The following WDR25 variants were observed in gnomAD, a reference collection of about 807,000 sequenced individuals.
The protein encoded by WDR25 is WD repeat-containing protein 25.
A neutral mutation model predicts 47.7 loss-of-function variants in WDR25; 35 were observed. The observed-to-expected ratio is 0.73, with a 90% CI of 0.56 to 0.97. The LOEUF is 0.97. WDR25 is among the 50% of genes least tolerant of loss of function. The probability of loss-of-function intolerance (pLI) is 0.00; values close to 1 mark genes in which losing one functional copy is unlikely to be tolerated. For synonymous variants in WDR25, 248 were observed against 278.9 expected (o/e 0.89, Z 1.10); for missense variants, 634 against 704.7 (o/e 0.90, Z 1.14).
intron 2 of WDR25, among the ~76,000 whole-genome samples, chr14:100,405,243 C>A (rs1053673113): frequency 4.0e-5 from 6 of 150,850 alleles, no homozygotes; most frequent in Admixed American, 2.6e-4. Flanking sequence ...CTCACCGCAG[C>A]CTCTGCCTCC....
chr14:100,456,895 C>T (rs1426769140), intron 2 of WDR25, among the ~76,000 whole-genome samples: 1 of 152,130 alleles, frequency 6.6e-6, no homozygotes, highest in Non-Finnish European at 1.5e-5. Flanking sequence ...TCAGTGAACC[C>T]CTGGCACAGG....
intron 4 of WDR25, among the ~76,000 whole-genome samples, chr14:100,516,450 A>C (rs905543218): frequency 6.6e-6 from 1 of 151,818 alleles, no homozygotes; most frequent in Non-Finnish European, 1.5e-5. Context: ...CTTATTATAA[A>C]GAAAGGAGTG....
At chr14:100,513,005 G>T (rs1003721698) in intron 4 of WDR25, among the ~76,000 whole-genome samples, 9 of 152,162 alleles carry the variant, frequency 5.9e-5, no homozygotes, top group African/African-American at 1.9e-4. Context: ...TTAAAATATG[G>T]TCTATCTTGG....
In WDR25 at chr14:100,468,043, G is replaced by C. The variant is rs1314098717; in HGVS notation, c.845G>C (p.Gly282Ala). The C allele has an allele frequency of 6.2e-7, 1 of 1,613,052 alleles. No individual in the cohort carries two copies. Among genetic ancestry groups the C allele is most frequent in the South Asian group, 1.1e-5 (1 of 91,038 alleles). ...TFKVWNAVDS[G>A]HCLQTYSLHT... ...CAGGTATGGAACGCCGTGGACTCCG[G>C]GCACTGCCTGCAGACCTACTCCCTG... Residue 282 changes from glycine to alanine, a missense_variant, in exon 3 of 7, where the codon GGG becomes GCG. Physicochemically the swap from Gly to Ala is moderately conservative, Grantham distance 60. Coordinates refer to ENST00000402312, the MANE Select transcript of WDR25 (RefSeq NM_001161476.3). The surrounding 1 kb of genome is among the most constrained non-coding windows in gnomAD (Gnocchi z 4.5).
Position 100,428,921 on chromosome 14 carries a change from C to T in WDR25, c.823-39100C>T, listed in dbSNP as rs6575778. 0.059 allele frequency among the ~76,000 whole-genome samples: 8,983 copies of T among 152,036 alleles called. 629 individuals carry two copies. Among genetic ancestry groups the T allele is most frequent in the African/African-American group, 0.17 (7,147 of 41,472 alleles). On this transcript the variant is annotated intron_variant, in intron 2 of 6. Transcript: ENST00000402312. This position sits in a 1 kb window ranked among gnomAD's most constrained non-coding sequence, Gnocchi z 4.3. Reference sequence around the variant, plus strand: ...CTTTGGCACCAGAGGCGTCATCCCCCGAGCCACTCTGAGTCATCTAATATG... The same window carrying T: ...CTTTGGCACCAGAGGCGTCATCCCCTGAGCCACTCTGAGTCATCTAATATG...
intron 3 of WDR25, among the ~76,000 whole-genome samples, chr14:100,473,083 T>C (rs1397608413): frequency 6.6e-6 from 1 of 152,226 alleles, no homozygotes; most frequent in Non-Finnish European, 1.5e-5. Flanking sequence ...TTGTTTTCAA[T>C]CTATGACTGG....
chr14:100,486,655 A>G (rs957659952), intron 4 of WDR25, among the ~76,000 whole-genome samples: 12 of 152,190 alleles, frequency 7.9e-5, no homozygotes, highest in African/African-American at 2.6e-4. Context: ...CTCACTTCTT[A>G]TCCCTGTGGG....
At chr14:100,467,486 G>GA (rs1342613013) in intron 2 of WDR25, among the ~76,000 whole-genome samples, 1 of 152,278 alleles carries the variant, frequency 6.6e-6, no homozygotes, top group South Asian at 2.1e-4. Context: ...GCAGACACAG[G>GA]AATGCGTTTT....
At chr14:100,472,468 T>C (rs1899873431) in intron 3 of WDR25, among the ~76,000 whole-genome samples, 6 of 152,218 alleles carry the variant, frequency 3.9e-5, no homozygotes, top group Admixed American at 3.3e-4. Flanking sequence ...ATAACACATA[T>C]AGGGTGCTTT....
In WDR25 at chr14:100,430,824, T is replaced by C. The variant is rs1465769418; in HGVS notation, c.823-37197T>C. 6.6e-6 allele frequency among the ~76,000 whole-genome samples: 1 copy of C among 152,180 alleles called. No individual in the cohort carries two copies. Among genetic ancestry groups the C allele is most frequent in the African/African-American group, 2.4e-5 (1 of 41,430 alleles). ...CTGGCAACGTGGACATTTCTGGCTG[T>C]CGAGAAGGGGCCTAAGAGGTGCCCA... On this transcript the variant is annotated intron_variant, in intron 2 of 6. Transcript: ENST00000402312. This position sits in a 1 kb window ranked among gnomAD's most constrained non-coding sequence, Gnocchi z 4.7.
In WDR25 at chr14:100,529,669, C is replaced by CA. The variant is rs1380803041; in HGVS notation, c.1414-151_1414-150insA. 1 of 843,668 alleles carries CA rather than the reference C, an allele frequency of 1.2e-6. No homozygotes were observed. Among genetic ancestry groups the CA allele is most frequent in the East Asian group, 2.7e-5 (1 of 37,342 alleles). 52.3% of individuals were successfully genotyped at this position (843,668 alleles called of 1,614,324 possible). On this transcript the variant is annotated intron_variant, in intron 6 of 6. Coordinates refer to ENST00000402312, the MANE Select transcript of WDR25 (RefSeq NM_001161476.3). This position sits in a 1 kb window ranked among gnomAD's most constrained non-coding sequence, Gnocchi z 5.1. ...CATCAGGGCTCTACAGCCTCATGGG[C>CA]GGGACCTGGGCTTTGGCCTCAGGGA... is the stretch of plus-strand genomic sequence containing the variant.
chr14:100,427,463 A>G (rs1898202940), intron 2 of WDR25, among the ~76,000 whole-genome samples: 1 of 152,130 alleles, frequency 6.6e-6, no homozygotes, highest in African/African-American at 2.4e-5. Context: ...GGCACTTTGA[A>G]ACATTTGCAA....
chr14:100,501,811 A>G (rs77841279), intron 4 of WDR25, among the ~76,000 whole-genome samples: 2,965 of 152,298 alleles, frequency 0.019, 103 homozygotes, highest in African/African-American at 0.067. Context: ...TGAGGACCAG[A>G]GAATGGGGGC....
At chr14:100,514,672 C>T (rs532006274) in intron 4 of WDR25, among the ~76,000 whole-genome samples, 4 of 152,154 alleles carry the variant, frequency 2.6e-5, no homozygotes, top group African/African-American at 9.6e-5. Context: ...TACTGTCATA[C>T]ATTTTTCACT....
rs1037365301 is a variant in WDR25, at chr14:100,468,767, C to T, written c.970+599C>T. On this transcript the variant is annotated intron_variant, in intron 3 of 6. Coordinates refer to ENST00000402312, the MANE Select transcript of WDR25 (RefSeq NM_001161476.3). The surrounding 1 kb of genome is among the most constrained non-coding windows in gnomAD (Gnocchi z 4.5). ...AGGCACTGTCAATACCCACCGCAGC[C>T]ACAGCCCCCAGGTGGGCTCTCTCCG... Among the ~76,000 whole-genome samples the T allele has an allele frequency of 1.3e-4, 20 of 152,050 alleles. No individual in the cohort carries two copies. The highest frequency in any genetic ancestry group is 4.6e-4 in the African/African-American group (19 of 41,386).
intron 2 of WDR25, among the ~76,000 whole-genome samples, chr14:100,451,764 A>T (rs955354806): frequency 1.3e-5 from 2 of 152,222 alleles, no homozygotes; most frequent in Admixed American, 6.5e-5. Flanking sequence ...GTCCAACTGG[A>T]TGACCTATGG....
At position 100,454,392 on chromosome 14, in the gene WDR25, G is replaced by T; in HGVS notation, c.823-13629G>T. 3.9e-6 allele frequency: 5 copies of T among 1,287,286 alleles called. No individual in the cohort carries two copies. The South Asian group carries it at 6.2e-5, about 16-fold the overall frequency. 79.7% of individuals were successfully genotyped at this position (1,287,286 alleles called of 1,614,324 possible). On this transcript the variant is annotated intron_variant, in intron 2 of 6. Transcript: ENST00000402312. ...GTGAGGGTGGAGGTGAGGAGGTGGG[G>T]TGAAGTGTTACTTTTTAATTACTGC...
chr14:100,508,705 T>C (rs532981367), intron 4 of WDR25, among the ~76,000 whole-genome samples: 1 of 152,080 alleles, frequency 6.6e-6, no homozygotes, highest in Admixed American at 6.5e-5. Flanking sequence ...GGGAAAACAA[T>C]CAGTCTTTTA....
chr14:100,512,237 T>A (rs1017594591), intron 4 of WDR25, among the ~76,000 whole-genome samples: 3 of 152,186 alleles, frequency 2.0e-5, no homozygotes, highest in Non-Finnish European at 4.4e-5. Context: ...TGAAATTTTC[T>A]TTGTGGGAAG....
Sources: gnomAD v4.1 joint callset for allele counts (sites outside exome capture counted in the v4.1 genomes callset) on GRCh38, gnomAD v4.1.1 for gene constraint, Gnocchi (gnomAD v3.1) non-coding constraint, MANE v1.5 for transcripts, NCBI Gene and HGNC (gene_info 2026-07-23, HGNC 2026-07-21) for gene names.